The following UNC13C variants were observed in gnomAD, a reference collection of about 807,000 sequenced individuals.
UNC13C encodes the protein protein unc-13 homolog C.
In UNC13C, 174 loss-of-function variants were observed where a neutral mutation model predicts 245.4. The observed-to-expected ratio is 0.71, with a 90% confidence interval of 0.63 to 0.80. UNC13C has a LOEUF of 0.80. Among genes scored for constraint, UNC13C ranks in the 30% least tolerant of loss-of-function variants. UNC13C has a pLI of 0.00. For synonymous variants in UNC13C, 992 were observed against 895.1 expected (o/e 1.11, Z -1.93); for missense variants, 2,829 against 2,602.9 (o/e 1.09, Z -1.89).
chr15:54,278,230 G>T (rs1282850209), intron 10 of UNC13C, among the ~76,000 whole-genome samples: 2 of 151,886 alleles, frequency 1.3e-5, no homozygotes, highest in African/African-American at 4.8e-5. Context: ...TTCTTTATCA[G>T]CCACTCCTTA....
intron 26 of UNC13C, among the ~76,000 whole-genome samples, chr15:54,541,322 G>A (rs1314414767): frequency 6.6e-6 from 1 of 152,146 alleles, no homozygotes; most frequent in South Asian, 2.1e-4. Flanking sequence ...ACAGCCAAAT[G>A]TGTCTGTCAT....
At chr15:54,474,661 C>G (rs1213715493) in intron 19 of UNC13C, among the ~76,000 whole-genome samples, 1 of 151,962 alleles carries the variant, frequency 6.6e-6, no homozygotes, top group South Asian at 2.1e-4. Context: ...TTGATTGTTT[C>G]TTTTGCTGTG....
intron 2 of UNC13C, 101 bp downstream of exon 2, chr15:54,015,987 C>T (rs911237717): frequency 9.9e-7 from 1 of 1,012,068 alleles, no homozygotes; most frequent in African/African-American, 1.6e-5. Flanking sequence ...AAAGAGTTTA[C>T]TTGCAATGAC....
chr15:53,979,014 T>G (rs1376109782), intron 1 of UNC13C, among the ~76,000 whole-genome samples, 87 bp downstream of exon 1: 1 of 152,206 alleles, frequency 6.6e-6, no homozygotes, highest in Non-Finnish European at 1.5e-5. Context: ...TTGTTTGCAC[T>G]TGGAAATCAC....
chr15:54,015,409 T>C lies in UNC13C; in HGVS notation c.2506T>C (p.Leu836=). The C allele has an allele frequency of 4.3e-6, 7 of 1,613,730 alleles. No homozygotes were observed. Among genetic ancestry groups the C allele is most frequent in the Non-Finnish European group, 5.9e-6 (7 of 1,179,820 alleles). The part of the protein sequence containing the change: ...GSSLMGRFRT[L]SQSTANESST... Reference sequence around the variant, plus strand: ...TTCATTAATGGGGAGATTTCGGACATTATCTCAATCAACTGCAAATGAGTC... The same window carrying C: ...TTCATTAATGGGGAGATTTCGGACACTATCTCAATCAACTGCAAATGAGTC... Residue 836 remains leucine, a synonymous_variant, in exon 2 of 33, where the codon TTA becomes CTA. Coordinates refer to ENST00000260323, the MANE Select transcript of UNC13C (RefSeq NM_001080534.3).
intron 17 of UNC13C, among the ~76,000 whole-genome samples, chr15:54,387,233 A>C (rs1385230396): frequency 6.6e-6 from 1 of 152,204 alleles, no homozygotes; most frequent in African/African-American, 2.4e-5. Flanking sequence ...CCCCATAGGC[A>C]GAGTAGCACT....
At chr15:53,931,805 A>G in the UNC13C span, among the ~76,000 whole-genome samples, 2 of 152,174 alleles carry the variant, frequency 1.3e-5, no homozygotes, top group South Asian at 4.1e-4. Context: ...CTAATGCCAC[A>G]TATAGAACAT....
the UNC13C span, among the ~76,000 whole-genome samples, chr15:53,942,761 C>T: frequency 2.0e-5 from 3 of 152,134 alleles, no homozygotes; most frequent in African/African-American, 7.2e-5. Context: ...ACTCCTGGTT[C>T]AAGCAACTCT....
chr15:54,151,764 G>T (rs569080011), intron 4 of UNC13C, among the ~76,000 whole-genome samples: 1 of 152,296 alleles, frequency 6.6e-6, no homozygotes, highest in Admixed American at 6.5e-5. Flanking sequence ...CTACTTTGGG[G>T]AAGGAAATCA....
intron 18 of UNC13C, among the ~76,000 whole-genome samples, chr15:54,397,563 A>C (rs931662261): frequency 3.3e-5 from 5 of 151,502 alleles, no homozygotes; most frequent in African/African-American, 1.2e-4. Flanking sequence ...CTACAAGAAA[A>C]AGGTCTGCTG....
At chr15:54,096,628 A>G (rs1003459806) in intron 2 of UNC13C, among the ~76,000 whole-genome samples, 20 of 152,112 alleles carry the variant, frequency 1.3e-4, no homozygotes, top group African/African-American at 4.6e-4. Context: ...CTGTTTTTGC[A>G]TGTAAACAAC....
At chr15:54,589,061 C>A (rs924509293) in intron 30 of UNC13C, among the ~76,000 whole-genome samples, 2 of 152,098 alleles carry the variant, frequency 1.3e-5, no homozygotes, top group African/African-American at 4.8e-5. Flanking sequence ...AATCTCCACA[C>A]TATTTTCCAT....
chr15:54,471,238 G>A (rs573518486), intron 19 of UNC13C, among the ~76,000 whole-genome samples: 24 of 151,372 alleles, frequency 1.6e-4, no homozygotes, highest in South Asian at 1.0e-3. Flanking sequence ...TCAAGCAAAT[G>A]CTTTTTTAGT....
At chr15:53,973,986 G>A (rs561019711), upstream of UNC13C, among the ~76,000 whole-genome samples, 6 of 152,196 alleles carry the variant, frequency 3.9e-5, no homozygotes, top group South Asian at 2.1e-4. Context: ...TGAAGTAGAC[G>A]TTCAAGGCCT....
At chr15:54,447,863 G>A (rs1343914442) in intron 19 of UNC13C, among the ~76,000 whole-genome samples, 1 of 152,146 alleles carries the variant, frequency 6.6e-6, no homozygotes, top group Non-Finnish European at 1.5e-5. Flanking sequence ...TAATTGTGAT[G>A]TTAGGGTGTC....
chr15:54,169,052 G>C (rs2033288580), intron 4 of UNC13C, among the ~76,000 whole-genome samples: 1 of 152,206 alleles, frequency 6.6e-6, no homozygotes, highest in Non-Finnish European at 1.5e-5. Flanking sequence ...TTTGTCACAT[G>C]TTGGATAGGC....
At chr15:53,839,990 A>G in the UNC13C span, among the ~76,000 whole-genome samples, 2 of 152,048 alleles carry the variant, frequency 1.3e-5, no homozygotes, top group Non-Finnish European at 1.5e-5. Context: ...CCATCCCCCA[A>G]TTAAGACTCA....
chr15:54,506,297 T>C (rs1894471341), intron 22 of UNC13C, among the ~76,000 whole-genome samples: 1 of 152,158 alleles, frequency 6.6e-6, no homozygotes, highest in African/African-American at 2.4e-5. Context: ...AAGCTGTAGA[T>C]TGAGAGTAGT....
At chr15:54,562,596 T>C (rs747406160) in intron 29 of UNC13C, among the ~76,000 whole-genome samples, 1 of 152,054 alleles carries the variant, frequency 6.6e-6, no homozygotes, top group Non-Finnish European at 1.5e-5. Context: ...TTGGAAATTT[T>C]TGATGAATGT....
Sources: allele counts gnomAD v4.1 joint callset (sites outside exome capture counted in the v4.1 genomes callset), GRCh38; gene constraint gnomAD v4.1.1; transcripts MANE v1.5; gene names NCBI Gene and HGNC (gene_info 2026-07-23, HGNC 2026-07-21).